The following AARS1 variants were observed in gnomAD, a reference collection of about 807,000 sequenced individuals.
AARS1 encodes the protein alanyl-tRNA synthetase 1.
A neutral mutation model predicts 108.9 loss-of-function variants in AARS1; 72 were observed. The observed-to-expected ratio is 0.66, with a 90% CI of 0.55 to 0.80. The LOEUF is 0.80. Ranked by LOEUF, AARS1 falls within the 30% of genes least tolerant of loss-of-function variation. The pLI is 0.00. For synonymous variants in AARS1, 489 were observed against 465.7 expected, an observed-to-expected ratio of 1.05 and a Z score of -0.64; for missense variants, 1,193 against 1,233.2, an observed-to-expected ratio of 0.97 and a Z score of 0.49.
At chr16:70,262,993 A>AAAAAAAC (rs1960177891) in intron 11 of AARS1, among the ~76,000 whole-genome samples, 1 of 141,290 alleles carries the variant, frequency 7.1e-6, no homozygotes, top group Non-Finnish European at 1.5e-5. Context: ...AAAAAAAAAA[A>AAAAAAAC]AAAAACAACA....
Position 70,269,687 on chromosome 16 carries a change from A to T in AARS1, c.893T>A (p.Leu298Gln). The change falls in exon 7 of 21, where the codon CTG becomes CAG. Residue 298 changes from leucine (L) to glutamine (Q), a missense_variant. Physicochemically the swap from Leu to Gln is moderately radical, Grantham distance 113. Transcript: ENST00000261772. ...AGTGATGGTCCGAGCGTGGTCAGCC[A>T]GCACCCGGTAGGCCATGTCAATCCC... The part of the protein sequence containing the change: ...ADGIDMAYRV[L>Q]ADHARTITVA... 1 of 1,614,198 alleles carries T rather than the reference A, an allele frequency of 6.2e-7. No individual in the cohort carries two copies. The highest frequency in any genetic ancestry group is 8.5e-7 in the Non-Finnish European group (1 of 1,180,024).
intron 6 of AARS1, 53 bp from the exon 7 acceptor site, chr16:70,269,816 A>G (rs1425264775): frequency 4.9e-5 from 79 of 1,610,352 alleles, no homozygotes; most frequent in Non-Finnish European, 6.6e-5. Context: ...TTCTGGCGCT[A>G]CCTTGCCCAA....
Position 70,254,625 on chromosome 16 carries a change from C to G in AARS1, c.2396G>C (p.Gly799Ala). 1 of 1,613,186 alleles carries G rather than the reference C, an allele frequency of 6.2e-7. No homozygotes were observed. Among genetic ancestry groups the G allele is most frequent in the South Asian group, 1.1e-5 (1 of 91,046 alleles). ...KDVQREIADLGEALATAVIPQ... is the reference protein window; with the variant it reads ...KDVQREIADLAEALATAVIPQ... Reference sequence around the variant, plus strand: ...AGGGAGGGAAGCCGCCCCTACCTCTCCAAGGTCAGCGATCTCCCTCTGCAC... The same window carrying G: ...AGGGAGGGAAGCCGCCCCTACCTCTGCAAGGTCAGCGATCTCCCTCTGCAC... The change falls in exon 17 of 21, where the codon GGA becomes GCA. Residue 799 changes from glycine (G) to alanine (A), a missense_variant. By Grantham distance (60) the Gly-to-Ala change is moderately conservative. Coordinates refer to ENST00000261772, the MANE Select transcript of AARS1 (RefSeq NM_001605.3).
chr16:70,259,286 A>T, intron 13 of AARS1, 100 bp from the exon 14 acceptor site: 1 of 1,224,860 alleles, frequency 8.2e-7, no homozygotes, highest in Non-Finnish European at 1.2e-6. Flanking sequence ...AGTTGGAAAT[A>T]TGGCTGTGCA....
At chr16:70,284,662 G>A (rs1259497365) in intron 1 of AARS1, among the ~76,000 whole-genome samples, 1 of 152,160 alleles carries the variant, frequency 6.6e-6, no homozygotes, top group Non-Finnish European at 1.5e-5. Context: ...GAGGTAGGCT[G>A]GGGAGAAGTG....
chr16:70,265,224 A>C (rs537375743), intron 10 of AARS1, 122 bp from the exon 11 acceptor site: 2 of 1,275,556 alleles, frequency 1.6e-6, no homozygotes, highest in Admixed American at 3.7e-5. Flanking sequence ...CAATCCTGGC[A>C]CTACTGACAT....
Position 70,259,261 on chromosome 16 carries a change from A to G in AARS1, c.1786-75T>C, listed in dbSNP as rs564005034. ...TATCTCCTCGTTATCTGCTCCCCCG[A>G]GTGCTACAATTTTTAGTTGGAAATA... On this transcript the variant is annotated intron_variant, in intron 13 of 20. Coordinates refer to ENST00000261772, the MANE Select transcript of AARS1 (RefSeq NM_001605.3). 7.5e-5 allele frequency: 109 copies of G among 1,461,972 alleles called. 2 individuals are homozygous for G. In the African/African-American group the frequency reaches 1.3e-3, roughly 18 times the overall value. The allele number at this position is 1,461,972 out of a possible 1,614,324, so 90.6% of individuals were successfully genotyped here.
intron 8 of AARS1, 80 bp from the exon 9 acceptor site, chr16:70,267,889 T>C (rs1960301803): frequency 6.3e-7 from 1 of 1,590,932 alleles, no homozygotes; most frequent in Non-Finnish European, 8.6e-7. Flanking sequence ...GCTCCTTAGC[T>C]GGGTGCAGTG....
intron 20 of AARS1, 32 bp from the exon 21 acceptor site, chr16:70,252,938 A>C (rs751950794): frequency 1.2e-6 from 2 of 1,608,306 alleles, no homozygotes; most frequent in Non-Finnish European, 1.7e-6. Flanking sequence ...GGGAGTCAGC[A>C]CAGAAGATGG....
chr16:70,267,872 T>TA, intron 8 of AARS1, 63 bp from the exon 9 acceptor site: 2 of 1,610,596 alleles, frequency 1.2e-6, no homozygotes, highest in South Asian at 2.2e-5. Context: ...TGCCCCGTCT[T>TA]AAAAAAGCTC....
At position 70,255,749 on chromosome 16, in the gene AARS1, G is replaced by A. The variant is rs1027921501; in HGVS notation, c.2265C>T (p.Val755=). ...TCACCTTCTGGGCCTCGGCACCTGTGACAGCCACAATCCTCCGGATACCCT... is the reference window on the plus strand; with the variant it reads ...TCACCTTCTGGGCCTCGGCACCTGTAACAGCCACAATCCTCCGGATACCCT... ...IAKGIRRIVA[V]TGAEAQKALR... is the part of the protein sequence containing the mutation. The change falls in exon 16 of 21, where the codon GTC becomes GTT. Residue 755 remains valine, a synonymous_variant. Transcript: ENST00000261772. The A allele has an allele frequency of 2.5e-6, 4 of 1,614,150 alleles. No homozygotes were observed. Among genetic ancestry groups the A allele is most frequent in the Non-Finnish European group, 3.4e-6 (4 of 1,180,020 alleles).
chr16:70,270,685 A>G (rs1960376901), intron 5 of AARS1, among the ~76,000 whole-genome samples: 2 of 150,954 alleles, frequency 1.3e-5, no homozygotes, highest in African/African-American at 2.4e-5. Context: ...TAAAAATACA[A>G]AATTAGCCGA....
intron 2 of AARS1, among the ~76,000 whole-genome samples, chr16:70,277,465 G>A (rs1960577260): frequency 6.6e-6 from 1 of 152,120 alleles, no homozygotes; most frequent in Non-Finnish European, 1.5e-5. Flanking sequence ...TTCTTCACCA[G>A]TCTCTGAAGT....
chr16:70,281,468 A>G (rs1199584274), intron 2 of AARS1, among the ~76,000 whole-genome samples: 1 of 152,024 alleles, frequency 6.6e-6, no homozygotes, highest in Non-Finnish European at 1.5e-5. Context: ...GAGTTCGAGA[A>G]CAACCTGGCC....
intron 2 of AARS1, among the ~76,000 whole-genome samples, chr16:70,279,670 CAAAA>C (rs367753826): frequency 3.5e-5 from 4 of 114,582 alleles, no homozygotes; most frequent in Non-Finnish European, 7.0e-5. Flanking sequence ...CAAAAAAAAA[CAAAA>C]AAAAAAAAAA....
intron 1 of AARS1, among the ~76,000 whole-genome samples, chr16:70,287,472 A>AC (rs1046260039): frequency 1.3e-5 from 2 of 150,268 alleles, no homozygotes; most frequent in African/African-American, 4.9e-5. Context: ...CAGGCTTTAC[A>AC]CACAGGTCTC....
At chr16:70,255,929 T>C in intron 15 of AARS1, 93 bp from the exon 16 acceptor site, 1 of 1,211,372 alleles carries the variant, frequency 8.3e-7, no homozygotes, top group Non-Finnish European at 1.2e-6. Context: ...CAGGAATGGG[T>C]TGACAGTCAG....
chr16:70,279,705 T>C (rs139347720), intron 2 of AARS1, among the ~76,000 whole-genome samples: 2 of 147,534 alleles, frequency 1.4e-5, no homozygotes, highest in African/African-American at 5.0e-5. Context: ...TTACAAACAC[T>C]GTACTCCCTG....
chr16:70,259,456 C>A (rs1213355942), intron 13 of AARS1, among the ~76,000 whole-genome samples: 1 of 152,116 alleles, frequency 6.6e-6, no homozygotes, highest in South Asian at 2.1e-4. Flanking sequence ...TGCCAAATGA[C>A]GGCCGATGGC....
Sources: allele counts gnomAD v4.1 joint callset (sites outside exome capture counted in the v4.1 genomes callset), GRCh38; gene constraint gnomAD v4.1.1; transcripts MANE v1.5; gene names NCBI Gene and HGNC (gene_info 2026-07-23, HGNC 2026-07-21).